Variants in SNX31 observed in about 807,000 individuals in gnomAD.
The protein encoded by SNX31 is sorting nexin 31.
In SNX31, 58 loss-of-function variants were observed where a neutral mutation model predicts 65.4. The ratio of observed to expected loss-of-function variants is 0.89; its 90% CI spans 0.72 to 1.10. The LOEUF is 1.10. Ranked by LOEUF, SNX31 falls within the 50% of genes least tolerant of loss-of-function variation. The pLI, the probability that SNX31 is intolerant of heterozygous loss-of-function variation, is 0.00. For missense variants in SNX31, 523 were observed against 529.7 expected (o/e 0.99, Z 0.12); for synonymous variants, 181 against 190.1 (o/e 0.95, Z 0.39).
At position 100,649,477 on chromosome 8, in the gene SNX31, C is replaced by T. The variant is rs370750741; in HGVS notation, c.38G>A (p.Arg13Gln). ...MHFCIPVSQQ[R>Q]SDALGGRYVL... ...GTAGCGGCCCCCCAGCGCGTCGGAC[C>T]GCTGCTGGGACACCGGGATACAGAA... Residue 13 changes from arginine (R) to glutamine (Q), a missense_variant, in exon 1 of 14, where the codon CGG becomes CAG. Transcript: ENST00000311812. 1.5e-5 allele frequency: 24 copies of T among 1,584,544 alleles called. 1 individual carries two copies. The highest frequency in any genetic ancestry group is 3.4e-4 in the Middle Eastern group (2 of 5,880).
Position 100,644,751 on chromosome 8 carries a change from G to A in SNX31, c.141+4523C>T, listed in dbSNP as rs1036873978. On this transcript the variant is annotated intron_variant, in intron 2 of 13. Transcript: ENST00000311812. The stretch of plus-strand genomic sequence containing the variant: ...GGGATCTCAGCTCACTGCAATCTGT[G>A]CCTCCTGGGTTCAAGCAATTCTCGT... Among the ~76,000 whole-genome samples, 4 of 152,350 alleles carry A rather than the reference G, an allele frequency of 2.6e-5. No individual in the cohort carries two copies. The East Asian group carries it at 7.7e-4, about 29-fold the overall frequency.
At chr8:100,599,607 G>A (rs1033889194) in intron 9 of SNX31, among the ~76,000 whole-genome samples, 39 of 152,024 alleles carry the variant, frequency 2.6e-4, no homozygotes, top group Admixed American at 1.9e-3. Context: ...TTTCTGTTAC[G>A]TATAAATGAG....
chr8:100,661,182 T>G (rs1398445944), intron 1 of SNX31, among the ~76,000 whole-genome samples: 1 of 152,138 alleles, frequency 6.6e-6, no homozygotes, highest in Non-Finnish European at 1.5e-5. Context: ...ATTTTTGTAT[T>G]TTTAGTAGAG....
At chr8:100,601,139 G>A (rs1475024195) in intron 8 of SNX31, among the ~76,000 whole-genome samples, 31 of 152,126 alleles carry the variant, frequency 2.0e-4, no homozygotes, top group African/African-American at 7.0e-4. Flanking sequence ...CTTGATAGTG[G>A]CAAACACATG....
chr8:100,608,432 G>C, intron 8 of SNX31, 62 bp downstream of exon 8: 1 of 1,517,968 alleles, frequency 6.6e-7, no homozygotes, highest in Non-Finnish European at 9.1e-7. Context: ...AATTTGTTTA[G>C]TGGCTCCAAG....
Position 100,588,740 on chromosome 8 carries a change from A to G in SNX31, c.1092+126T>C. ...AAAATAAAAGGTATTACGGTCCCGA[A>G]CGAGAGTGCATAGAACACTTTAGGG... On this transcript the variant is annotated intron_variant, in intron 11 of 13. Transcript: ENST00000311812. This position sits in a 1 kb window ranked among gnomAD's most constrained non-coding sequence, Gnocchi z 4.8. 1 of 565,786 alleles carries G rather than the reference A, an allele frequency of 1.8e-6. No individual in the cohort carries two copies. Among genetic ancestry groups the G allele is most frequent in the East Asian group, 2.9e-5 (1 of 33,926 alleles). The allele number at this position is 565,786 out of a possible 1,614,324, so 35.0% of individuals were successfully genotyped here.
chr8:100,618,540 T>G (rs1216057984), intron 4 of SNX31: 9 of 583,622 alleles, frequency 1.5e-5, no homozygotes, highest in Non-Finnish European at 2.7e-5. Context: ...AGGGCTCAGC[T>G]CCACAAGACT....
chr8:100,641,894 C>T (rs1005414952), intron 2 of SNX31, among the ~76,000 whole-genome samples: 34 of 150,728 alleles, frequency 2.3e-4, no homozygotes, highest in Non-Finnish European at 4.0e-4. Flanking sequence ...CTGGCTAACG[C>T]GGTGAAACCC....
At chr8:100,663,247 C>T (rs200676534) in exon 1 of SNX31, 1 of 148,952 alleles carries the variant, frequency 6.7e-6, no homozygotes, top group Non-Finnish European at 1.5e-5. Flanking sequence ...ATACCCCCCC[C>T]AATCCAAAAT....
chr8:100,658,628 A>C (rs1053596965), intron 1 of SNX31, among the ~76,000 whole-genome samples: 6 of 152,218 alleles, frequency 3.9e-5, no homozygotes, highest in African/African-American at 1.4e-4. Flanking sequence ...CTGAGATCAG[A>C]GAGGTTAAGC....
intron 9 of SNX31, among the ~76,000 whole-genome samples, chr8:100,597,389 G>A (rs1307082438): frequency 2.0e-5 from 3 of 152,076 alleles, no homozygotes; most frequent in African/African-American, 4.8e-5. Flanking sequence ...TTACAGGCAC[G>A]TGCCACCACA....
chr8:100,649,581 G>A lies in SNX31; in HGVS notation c.-67C>T. Reference sequence around the variant, plus strand: ...GCGGCGGCGGGCGGTGCGCGGCTCTGAACTCGGCAGCGGTGGACGCAGCGC... The same window carrying A: ...GCGGCGGCGGGCGGTGCGCGGCTCTAAACTCGGCAGCGGTGGACGCAGCGC... On this transcript the variant is annotated 5_prime_UTR_variant, in exon 1 of 14. Coordinates refer to ENST00000311812, the MANE Select transcript of SNX31 (RefSeq NM_152628.4). 1 of 1,445,354 alleles carries A rather than the reference G, an allele frequency of 6.9e-7. No homozygotes were observed. The highest frequency in any genetic ancestry group is 9.5e-7 in the Non-Finnish European group (1 of 1,057,494). 89.5% of individuals were successfully genotyped at this position (1,445,354 alleles called of 1,614,324 possible).
chr8:100,597,733 C>A (rs1180382956), intron 9 of SNX31, among the ~76,000 whole-genome samples: 1 of 152,184 alleles, frequency 6.6e-6, no homozygotes, highest in Non-Finnish European at 1.5e-5. Flanking sequence ...CCAGGGAAGA[C>A]TTTTAAAATT....
chr8:100,640,269 G>A (rs1186064776), intron 2 of SNX31, among the ~76,000 whole-genome samples: 1 of 152,180 alleles, frequency 6.6e-6, no homozygotes, highest in Non-Finnish European at 1.5e-5. Context: ...TGGGATTACA[G>A]GCATGTGCCA....
At position 100,618,260 on chromosome 8, in the gene SNX31, C is replaced by G. The variant is rs1817405850; in HGVS notation, c.322-530G>C. ...GCTTAAAGAACTTCCAAGTAAACAA[C>G]TGAGTATCTATATTGGAGAAAACAG... is the stretch of plus-strand genomic sequence containing the variant. On this transcript the variant is annotated intron_variant, in intron 4 of 13. Transcript: ENST00000311812. The G allele has an allele frequency of 2.0e-6, 3 of 1,464,244 alleles. No homozygotes were observed. In the South Asian group the frequency reaches 3.8e-5, roughly 19 times the overall value. The allele number at this position is 1,464,244 out of a possible 1,614,324, so 90.7% of individuals were successfully genotyped here. A position where few individuals can be genotyped will look rare whatever the true frequency, so the allele number is the denominator to read the frequency against.
rs573110218 is a variant in SNX31, at chr8:100,648,179, C to T, written c.141+1095G>A. Among the ~76,000 whole-genome samples, 9 of 152,238 alleles carry T rather than the reference C, an allele frequency of 5.9e-5. No homozygotes were observed. Among genetic ancestry groups the T allele is most frequent in the East Asian group, 1.9e-4 (1 of 5,188 alleles). On this transcript the variant is annotated intron_variant, in intron 2 of 13. Transcript: ENST00000311812. This position sits in a 1 kb window ranked among gnomAD's most constrained non-coding sequence, Gnocchi z 4.3. ...TAGCAGAAAAAACAAACTAAGCTGT[C>T]GGTCAACAGAAGATGGTTAAATGAA... is the stretch of plus-strand genomic sequence containing the variant.
At chr8:100,607,666 T>C (rs1816297741) in intron 8 of SNX31, among the ~76,000 whole-genome samples, 2 of 152,266 alleles carry the variant, frequency 1.3e-5, no homozygotes, top group South Asian at 4.1e-4. Flanking sequence ...ATAATTGGAG[T>C]GTTTGTAACG....
intron 10 of SNX31, among the ~76,000 whole-genome samples, chr8:100,595,731 T>A (rs6986563): frequency 0.13 from 20,476 of 152,104 alleles, 4,118 homozygotes; most frequent in African/African-American, 0.43. Flanking sequence ...GGAAAAGGAC[T>A]CGTCTGCTTC....
intron 8 of SNX31, among the ~76,000 whole-genome samples, chr8:100,603,934 C>T (rs890584644): frequency 3.3e-5 from 5 of 152,170 alleles, no homozygotes; most frequent in African/African-American, 2.4e-5. Flanking sequence ...GACGGGGGTT[C>T]ACCACATTGG....
Sources: allele counts gnomAD v4.1 joint callset (sites outside exome capture counted in the v4.1 genomes callset), GRCh38; gene constraint gnomAD v4.1.1; non-coding constraint Gnocchi (gnomAD v3.1); transcripts MANE v1.5; gene names NCBI Gene and HGNC (gene_info 2026-07-23, HGNC 2026-07-21).